SPIB: variants seen among roughly 807,000 people sequenced by gnomAD.
The protein encoded by SPIB is Spi-B transcription factor, also known as transcription factor Spi-B.
A neutral mutation model predicts 31.9 loss-of-function variants in SPIB; 7 were observed. That is an observed-to-expected ratio of 0.22 (90% CI 0.12 to 0.41). SPIB has a LOEUF of 0.41. Among genes scored for constraint, SPIB ranks in the 10% least tolerant of loss-of-function variants. The pLI, the probability that SPIB is intolerant of heterozygous loss-of-function variation, is 1.00. For missense variants in SPIB, 327 were observed against 360.2 expected (o/e 0.91, Z 0.75); for synonymous variants, 176 against 158.9 (o/e 1.11, Z -0.81).
chr19:50,422,417 G>C (rs548894890), intron 2 of SPIB, 56 bp from the exon 3 acceptor site: 3 of 1,552,560 alleles, frequency 1.9e-6, no homozygotes, highest in Non-Finnish European at 2.7e-6. Flanking sequence ...CAGGGTGGGG[G>C]TTGGGAGTCC....
At position 50,428,538 on chromosome 19, in the gene SPIB, T is replaced by TC. The variant is rs56043616; in HGVS notation, c.*204dup. 587,564 of 587,576 alleles carry TC rather than the reference T, an allele frequency of 1. 293,776 individuals are homozygous for TC. The highest frequency in any genetic ancestry group is 1 in the Middle Eastern group (2,224 of 2,224). 36.4% of individuals were successfully genotyped at this position (587,576 alleles called of 1,614,324 possible). On this transcript the variant is annotated 3_prime_UTR_variant, in exon 6 of 6. Coordinates refer to ENST00000595883, the MANE Select transcript of SPIB (RefSeq NM_003121.5). This position sits in a 1 kb window ranked among gnomAD's most constrained non-coding sequence, Gnocchi z 6.5. ...TGGGATTCCCCACTTGTGCCTGGGG[T>TC]CCTCTGGGATTTCTTTGTCATGTAC...
At chr19:50,426,387 GA>G in intron 5 of SPIB, among the ~76,000 whole-genome samples, 1 of 152,268 alleles carries the variant, frequency 6.6e-6, no homozygotes, top group Non-Finnish European at 1.5e-5. Flanking sequence ...AGTTGCATAA[GA>G]GAGATATCTG....
chr19:50,419,910 C>T (rs1568646831), intron 1 of SPIB, 36 bp from the exon 2 acceptor site: 1 of 1,531,546 alleles, frequency 6.5e-7, no homozygotes, highest in Non-Finnish European at 8.8e-7. Context: ...TGGCTGGAGG[C>T]AGCCTCAGCA....
chr19:50,424,998 TTTAA>T (rs1329291466), intron 5 of SPIB, among the ~76,000 whole-genome samples: 1 of 151,682 alleles, frequency 6.6e-6, no homozygotes, highest in Admixed American at 6.6e-5. Context: ...TTTAAAAAAT[TTTAA>T]TTAATTAATT....
Position 50,428,356 on chromosome 19 carries a change from C to T in SPIB, c.*20C>T. The T allele has an allele frequency of 1.3e-6, 2 of 1,518,894 alleles. No homozygotes were observed. Among genetic ancestry groups the T allele is most frequent in the Non-Finnish European group, 1.8e-6 (2 of 1,130,526 alleles). 94.1% of individuals were successfully genotyped at this position (1,518,894 alleles called of 1,614,324 possible). ...GCCTGAGCACACCCGAGGCTCCCAC[C>T]TGCGGAGCCGCTGGGGGACCTCACG... On this transcript the variant is annotated 3_prime_UTR_variant, in exon 6 of 6. Transcript: ENST00000595883. The surrounding 1 kb of genome is among the most constrained non-coding windows in gnomAD (Gnocchi z 6.5).
At chr19:50,419,128 C>T (rs1366067189) in intron 1 of SPIB, 143 bp downstream of exon 1, 3 of 925,590 alleles carry the variant, frequency 3.2e-6, no homozygotes, top group Admixed American at 4.8e-5. Flanking sequence ...GTCTCTTGCC[C>T]CTTCTGGTTC....
At chr19:50,419,013 C>A in intron 1 of SPIB, 28 bp downstream of exon 1, 1 of 1,550,712 alleles carries the variant, frequency 6.4e-7, no homozygotes. Flanking sequence ...AACCTGCACC[C>A]GGGGTCCCCA....
At position 50,422,869 on chromosome 19, in the gene SPIB, C is replaced by G; in HGVS notation, c.171C>G (p.Pro57=). The change falls in exon 4 of 6, where the codon CCC becomes CCG. Residue 57 remains proline (P), a synonymous_variant. Transcript: ENST00000595883. ...TGGCCCCACCTGTCCCAGCCACCCC[C>G]TATGAAGCCTTCGACCCGGCAGCAG... ...WTVAPPVPAT[P]YEAFDPAAAA... 6.2e-7 allele frequency: 1 copy of G among 1,610,390 alleles called. No individual in the cohort carries two copies. Among genetic ancestry groups the G allele is most frequent in the Non-Finnish European group, 8.5e-7 (1 of 1,178,256 alleles).
chr19:50,418,992 G>A lies in SPIB; in HGVS notation c.23+7G>A. 6.4e-7 allele frequency: 1 copy of A among 1,552,706 alleles called. No individual in the cohort carries two copies. Among genetic ancestry groups the A allele is most frequent in the Non-Finnish European group, 8.7e-7 (1 of 1,148,226 alleles). On this transcript the variant is annotated splice_region_variant and intron_variant, in intron 1 of 5. Coordinates refer to ENST00000595883, the MANE Select transcript of SPIB (RefSeq NM_003121.5). The surrounding 1 kb of genome is among the most constrained non-coding windows in gnomAD (Gnocchi z 6.0). ...TCGCCCTGGAGGCTGCACAGTAAGT[G>A]AGGGCCCCCAAACCTGCACCCGGGG... is the stretch of plus-strand genomic sequence containing the variant.
chr19:50,427,293 G>T lies in SPIB; in HGVS notation c.491-745G>T, dbSNP rs375251317. On this transcript the variant is annotated intron_variant, in intron 5 of 5. Transcript: ENST00000595883. ...TAATCCCAGCACTTTGGGAGGTCGA[G>T]GTGGGCGGATCACCTGAGGCCAGGA... 6.8e-4 allele frequency among the ~76,000 whole-genome samples: 104 copies of T among 152,264 alleles called. 1 individual carries two copies. In the South Asian group the frequency reaches 0.02, roughly 30 times the overall value.
rs928995187 is a variant in SPIB at position 50,422,764 on chromosome 19, C to T, written c.125-59C>T. 29 of 1,232,592 alleles carry T rather than the reference C, an allele frequency of 2.4e-5. No homozygotes were observed. In the East Asian group the frequency reaches 5.2e-4, roughly 22 times the overall value. The allele number at this position is 1,232,592 out of a possible 1,614,324, so 76.4% of individuals were successfully genotyped here. On this transcript the variant is annotated intron_variant, in intron 3 of 5. Coordinates refer to ENST00000595883, the MANE Select transcript of SPIB (RefSeq NM_003121.5). Reference sequence around the variant, plus strand: ...AATGGCCTCTCTGTGCTGGGGGCTTCGACTGCGAGGAGGCCTCCGTGAGAC... The same window carrying T: ...AATGGCCTCTCTGTGCTGGGGGCTTTGACTGCGAGGAGGCCTCCGTGAGAC...
intron 3 of SPIB, 41 bp downstream of exon 3, chr19:50,422,586 C>A (rs768576006): frequency 8.1e-6 from 13 of 1,600,790 alleles, no homozygotes; most frequent in Non-Finnish European, 1.1e-5. Context: ...CCTTGGGGCC[C>A]ATTTCACAGA....
intron 2 of SPIB, 116 bp downstream of exon 2, chr19:50,420,089 G>A (rs1332261995): frequency 5.3e-6 from 5 of 952,014 alleles, no homozygotes; most frequent in Non-Finnish European, 7.2e-6. Context: ...CTTTGTTTCT[G>A]AGCTCCCCCT....
chr19:50,419,121 T>A, intron 1 of SPIB, 136 bp downstream of exon 1: 1 of 963,076 alleles, frequency 1.0e-6, no homozygotes, highest in Admixed American at 2.3e-5. Flanking sequence ...CCACCCTGTC[T>A]CTTGCCCCTT....
intron 2 of SPIB, among the ~76,000 whole-genome samples, chr19:50,422,041 C>A (rs62113959): frequency 6.6e-6 from 1 of 152,112 alleles, no homozygotes; most frequent in African/African-American, 2.4e-5. Context: ...TGAGCCACCA[C>A]GCCTGGCCTG....
intron 5 of SPIB, among the ~76,000 whole-genome samples, chr19:50,426,973 T>C (rs1248218057): frequency 6.7e-6 from 1 of 149,554 alleles, no homozygotes; most frequent in African/African-American, 2.5e-5. Context: ...CTACAAAAAA[T>C]AAAACAATTA....
rs752116984 is a variant in SPIB at position 50,423,600 on chromosome 19, C to T, written c.340-5C>T. The T allele has an allele frequency of 1.2e-5, 19 of 1,612,898 alleles. No individual in the cohort carries two copies. Among genetic ancestry groups the T allele is most frequent in the South Asian group, 8.8e-5 (8 of 91,032 alleles). ...GGACATGCAGGTGACCCTGACCTTC[C>T]GCAGACCCTGGTTCCCCCGGCATAT... On this transcript the variant is annotated splice_polypyrimidine_tract_variant and splice_region_variant and intron_variant, in intron 4 of 5. Transcript: ENST00000595883.
Position 50,428,308 on chromosome 19 carries a change from C to T in SPIB, c.761C>T (p.Ala254Val). 1.9e-6 allele frequency: 3 copies of T among 1,549,582 alleles called. No individual in the cohort carries two copies. Among genetic ancestry groups the T allele is most frequent in the Non-Finnish European group, 1.7e-6 (2 of 1,146,268 alleles). Residue 254 changes from alanine to valine, a missense_variant, in exon 6 of 6, where the codon GCG (alanine) becomes GTG (valine). Physicochemically the swap from Ala to Val is moderately conservative, Grantham distance 64 (BLOSUM62 0). Coordinates refer to ENST00000595883, the MANE Select transcript of SPIB (RefSeq NM_003121.5). This position sits in a 1 kb window ranked among gnomAD's most constrained non-coding sequence, Gnocchi z 6.5. ...KRKLTYQFDS[A>V]LLPAVRRA ...AAGCTCACCTACCAGTTCGACAGCG[C>T]GCTGCTGCCTGCAGTCCGCCGGGCC...
At chr19:50,423,457 C>A in intron 4 of SPIB, 148 bp from the exon 5 acceptor site, 2 of 1,050,258 alleles carry the variant, frequency 1.9e-6, no homozygotes, top group Non-Finnish European at 2.7e-6. Flanking sequence ...CCCCTGGCCA[C>A]AGCGTGGTGA....
Sources: allele counts gnomAD v4.1 joint callset (sites outside exome capture counted in the v4.1 genomes callset), GRCh38; gene constraint gnomAD v4.1.1; non-coding constraint Gnocchi (gnomAD v3.1); transcripts MANE v1.5; gene names NCBI Gene and HGNC (gene_info 2026-07-23, HGNC 2026-07-21).